The following CKAP2L variants were observed in gnomAD, a reference collection of about 807,000 sequenced individuals.
CKAP2L encodes cytoskeleton-associated protein 2-like.
CKAP2L carries 42 observed loss-of-function variants against 65.7 expected under a neutral mutation model. The ratio of observed to expected loss-of-function variants is 0.64; its 90% CI spans 0.50 to 0.83. The LOEUF (loss-of-function observed/expected upper bound fraction) is 0.83, where lower values mean the gene tolerates loss of function less well. Ranked by LOEUF, CKAP2L falls within the 40% of genes least tolerant of loss-of-function variation. The probability of loss-of-function intolerance (pLI) is 0.00; values close to 1 mark genes in which losing one functional copy is unlikely to be tolerated. For missense variants in CKAP2L, 908 were observed against 871.0 expected (o/e 1.04, Z -0.53); for synonymous variants, 325 against 313.5 (o/e 1.04, Z -0.39).
intron 1 of CKAP2L, chr2:112,764,122 TGA>T: frequency 4.5e-6 from 1 of 220,738 alleles, no homozygotes; most frequent in South Asian, 5.3e-5. Flanking sequence ...AGGTGTGGAG[TGA>T]GAGCCCCGCC....
chr2:112,749,617 A>G (rs892748159), intron 5 of CKAP2L, among the ~76,000 whole-genome samples: 1 of 151,500 alleles, frequency 6.6e-6, no homozygotes, highest in Non-Finnish European at 1.5e-5. Flanking sequence ...CAGCAGAAAA[A>G]AAAAATCTAC....
chr2:112,741,143 G>C, intron 7 of CKAP2L, 136 bp from the exon 8 acceptor site: 2 of 661,004 alleles, frequency 3.0e-6, no homozygotes, highest in Non-Finnish European at 5.2e-6. Flanking sequence ...AATAGTGATT[G>C]ATTTGAAGTG....
At position 112,740,871 on chromosome 2, in the gene CKAP2L, C is replaced by T; in HGVS notation, c.1959G>A (p.Lys653=). The T allele has an allele frequency of 6.2e-7, 1 of 1,614,088 alleles. No individual in the cohort carries two copies. The highest frequency in any genetic ancestry group is 8.5e-7 in the Non-Finnish European group (1 of 1,179,992). Reference sequence around the variant, plus strand: ...TACCAGGATAATTATGCTGTTCTGCCTTGGCTATTCGGGGTGTCGCCGTGA... The same window carrying T: ...TACCAGGATAATTATGCTGTTCTGCTTTGGCTATTCGGGGTGTCGCCGTGA... ...EQVTATPRIA[K]AEQHNYPGIK... Residue 653 remains lysine (K), a synonymous_variant, in exon 8 of 9, where the codon AAG becomes AAA. Transcript: ENST00000302450.
chr2:112,743,080 C>G (rs1005740304), intron 6 of CKAP2L, among the ~76,000 whole-genome samples: 6 of 152,076 alleles, frequency 3.9e-5, no homozygotes, highest in Admixed American at 3.3e-4. Flanking sequence ...AATATGTATT[C>G]CTACATAAAA....
In CKAP2L at chr2:112,756,471, G is replaced by T. The variant is rs761833875; in HGVS notation, c.900C>A (p.Ile300=). Residue 300 remains isoleucine, a synonymous_variant, in exon 4 of 9, where the codon ATC becomes ATA. Coordinates refer to ENST00000302450, the MANE Select transcript of CKAP2L (RefSeq NM_152515.5). ...GACTCCTATTAACCTTTATATCTTT[G>T]ATGTTCTTGACTACTGGTTTCTTTG... is the stretch of plus-strand genomic sequence containing the variant. ...QSSKKPVVKN[I]KDIKVNRSQY... The T allele has an allele frequency of 2.5e-6, 4 of 1,611,068 alleles. No homozygotes were observed. The highest frequency in any genetic ancestry group is 3.4e-6 in the Non-Finnish European group (4 of 1,179,052).
intron 4 of CKAP2L, among the ~76,000 whole-genome samples, chr2:112,755,767 A>C (rs1325970241): frequency 6.6e-6 from 1 of 152,088 alleles, no homozygotes; most frequent in Non-Finnish European, 1.5e-5. Context: ...TAAACATACG[A>C]TTACAGAAAA....
intron 4 of CKAP2L, among the ~76,000 whole-genome samples, chr2:112,755,553 G>A (rs759234330): frequency 3.3e-5 from 5 of 151,988 alleles, no homozygotes; most frequent in Non-Finnish European, 7.4e-5. Flanking sequence ...GTTCTTCCCT[G>A]GTAACTTTTC....
chr2:112,742,271 A>G, intron 7 of CKAP2L: 1 of 669,434 alleles, frequency 1.5e-6, no homozygotes, highest in Non-Finnish European at 2.8e-6. Context: ...AAAGGTTATG[A>G]CCACTGACAG....
At position 112,762,585 on chromosome 2, in the gene CKAP2L, GCAAA is replaced by G. The variant is rs1483391115; in HGVS notation, c.38-20_38-17del. On this transcript the variant is annotated splice_polypyrimidine_tract_variant and intron_variant, in intron 1 of 8. Coordinates refer to ENST00000302450, the MANE Select transcript of CKAP2L (RefSeq NM_152515.5). Reference sequence around the variant, plus strand: ...TGCCGCTCTTCTGCAACACAGGCAAGCAAACAAACGACATAACTTTAGTTCAAGA... The same window carrying G: ...TGCCGCTCTTCTGCAACACAGGCAAGCAAACGACATAACTTTAGTTCAAGA... 8 of 1,602,800 alleles carry G rather than the reference GCAAA, an allele frequency of 5.0e-6. No individual in the cohort carries two copies. The South Asian group carries it at 5.5e-5, about 11-fold the overall frequency.
rs1558764940 is a variant in CKAP2L at position 112,762,500 on chromosome 2, CACTT to C, written c.103_104+2del. 1.2e-6 allele frequency: 2 copies of C among 1,612,670 alleles called. No homozygotes were observed. Among genetic ancestry groups the C allele is most frequent in the Non-Finnish European group, 1.7e-6 (2 of 1,178,620 alleles). On this transcript the variant is annotated splice_donor_variant and coding_sequence_variant, in exon 2 of 9. Transcript: ENST00000302450. LOFTEE classifies it high-confidence loss of function. Reference sequence around the variant, plus strand: ...TTGCGTAACTGTGGACAGATAAACTCACTTGGTGTTTTGGCTCTTCAGTTTTCCC... The same window carrying C: ...TTGCGTAACTGTGGACAGATAAACTCGGTGTTTTGGCTCTTCAGTTTTCCC...
In CKAP2L at chr2:112,738,978, G is replaced by A. The variant is rs1380747619; in HGVS notation, c.2083C>T (p.Arg695Ter). 5.6e-6 allele frequency: 9 copies of A among 1,614,118 alleles called. No homozygotes were observed. Among genetic ancestry groups the A allele is most frequent in the East Asian group, 4.5e-5 (2 of 44,884 alleles). Residue 695 changes from arginine (R) to a stop codon, truncating the protein, a stop_gained, in exon 9 of 9, where the codon CGA becomes TGA. Transcript: ENST00000302450. LOFTEE classifies it high-confidence loss of function. ...ATTTCTGGGTAGCGGGACACTGCTCGCTCAATCCTCGACGAACGCCGTACA... is the reference window on the plus strand; with the variant it reads ...ATTTCTGGGTAGCGGGACACTGCTCACTCAATCCTCGACGAACGCCGTACA... ...TPVRRSSRIE[R>*]AVSRYPEMLQ...
chr2:112,757,482 T>C (rs1420215381), intron 3 of CKAP2L, among the ~76,000 whole-genome samples: 1 of 149,332 alleles, frequency 6.7e-6, no homozygotes, highest in African/African-American at 2.5e-5. Flanking sequence ...CTCTGCCTCC[T>C]GGGTTGAAGC....
chr2:112,759,064 G>A (rs1329266717), intron 3 of CKAP2L, among the ~76,000 whole-genome samples: 1 of 152,124 alleles, frequency 6.6e-6, no homozygotes, highest in Non-Finnish European at 1.5e-5. Flanking sequence ...TACCCATGTT[G>A]TAGCATGTAT....
intron 7 of CKAP2L, chr2:112,742,353 G>T: frequency 1.4e-6 from 1 of 717,012 alleles, no homozygotes. Flanking sequence ...AGATGAGTAT[G>T]TTGGTGGGTT....
Position 112,756,000 on chromosome 2 carries a change from CTTTT to C in CKAP2L, c.1367_1370del (p.Lys456ArgfsTer12). ...ACCTTCGATCCTCTGCTGTTGCCTT[CTTTT>C]TAATATTTGGGTTTGTTTGGGTCCC... On this transcript the variant is annotated frameshift_variant, in exon 4 of 9. Transcript: ENST00000302450. LOFTEE classifies it high-confidence loss of function. 1 of 1,589,182 alleles carries C rather than the reference CTTTT, an allele frequency of 6.3e-7. No individual in the cohort carries two copies. Among genetic ancestry groups the C allele is most frequent in the Non-Finnish European group, 8.5e-7 (1 of 1,170,792 alleles).
rs1002870172 is a variant in CKAP2L, at chr2:112,738,023, A to G, written c.*800T>C. The G allele has an allele frequency of 2.6e-5, 4 of 152,180 alleles. No individual in the cohort carries two copies. The highest frequency in any genetic ancestry group is 9.7e-5 in the African/African-American group (4 of 41,438). The allele number at this position is 152,180 out of a possible 1,614,324, so 9.4% of individuals were successfully genotyped here. A position where few individuals can be genotyped will look rare whatever the true frequency, so the allele number is the denominator to read the frequency against. ...CAAATAGTTGCCCAGGAGGAAGAAAAAGCAACCTACAACAGTCTCTGGGGC... is the reference window on the plus strand; with the variant it reads ...CAAATAGTTGCCCAGGAGGAAGAAAGAGCAACCTACAACAGTCTCTGGGGC... On this transcript the variant is annotated 3_prime_UTR_variant, in exon 9 of 9. Coordinates refer to ENST00000302450, the MANE Select transcript of CKAP2L (RefSeq NM_152515.5).
At chr2:112,758,021 A>C (rs1293786992) in intron 3 of CKAP2L, among the ~76,000 whole-genome samples, 2 of 152,222 alleles carry the variant, frequency 1.3e-5, no homozygotes, top group African/African-American at 2.4e-5. Flanking sequence ...GAGATCAGTG[A>C]CAAGGAGATA....
rs539134489 is a variant in CKAP2L, at chr2:112,757,275, T to C, written c.157-61A>G. 6.5e-5 allele frequency: 78 copies of C among 1,197,640 alleles called. No individual in the cohort carries two copies. In the South Asian group the frequency reaches 1.2e-3, roughly 19 times the overall value. 74.2% of individuals were successfully genotyped at this position (1,197,640 alleles called of 1,614,324 possible). A position where few individuals can be genotyped will look rare whatever the true frequency, so the allele number is the denominator to read the frequency against. The stretch of plus-strand genomic sequence containing the variant: ...TTAACATATCTTATTGTTTTTAAAA[T>C]AATAACTGTGTTTAACACATGCTAA... On this transcript the variant is annotated intron_variant, in intron 3 of 8. Coordinates refer to ENST00000302450, the MANE Select transcript of CKAP2L (RefSeq NM_152515.5).
chr2:112,741,926 A>G (rs1679994868), intron 7 of CKAP2L, among the ~76,000 whole-genome samples: 1 of 140,844 alleles, frequency 7.1e-6, no homozygotes, highest in Non-Finnish European at 1.5e-5. Flanking sequence ...ACAACTGGCT[A>G]ATTTTTCTTT....
Sources: allele counts gnomAD v4.1 joint callset (sites outside exome capture counted in the v4.1 genomes callset), GRCh38; gene constraint gnomAD v4.1.1; transcripts MANE v1.5; gene names NCBI Gene and HGNC (gene_info 2026-07-23, HGNC 2026-07-21).